ESRRG: variants seen among roughly 807,000 people sequenced by gnomAD.
ESRRG encodes estrogen-related receptor gamma.
Under a neutral mutation model 44.0 loss-of-function variants are expected in ESRRG, and 13 were observed. The observed-to-expected ratio is 0.30, with a 90% confidence interval of 0.19 to 0.47. The LOEUF (loss-of-function observed/expected upper bound fraction) is 0.47. ESRRG is among the 20% of genes least tolerant of loss of function. ESRRG has a pLI of 1.00. For synonymous variants in ESRRG, 215 were observed against 214.6 expected, an observed-to-expected ratio of 1.00 and a Z score of -0.02; for missense variants, 395 against 580.6, an observed-to-expected ratio of 0.68 and a Z score of 3.29.
At chr1:216,584,699 T>G (rs1443735886) in intron 3 of ESRRG, among the ~76,000 whole-genome samples, 3 of 152,216 alleles carry the variant, frequency 2.0e-5, no homozygotes, top group Non-Finnish European at 4.4e-5. Context: ...CTTTATAACT[T>G]TTCATATTAC....
chr1:216,698,975 T>C (rs2080847927), intron 1 of ESRRG, among the ~76,000 whole-genome samples: 1 of 152,198 alleles, frequency 6.6e-6, no homozygotes, highest in African/African-American at 2.4e-5. Context: ...TGACTGATGT[T>C]GTGAACTTTA....
chr1:217,031,836 G>A (rs535601998), intron 1 of ESRRG, among the ~76,000 whole-genome samples: 1 of 152,200 alleles, frequency 6.6e-6, no homozygotes, highest in Non-Finnish European at 1.5e-5. Context: ...GAAGAAGGAT[G>A]TGTTTGTTTC....
At chr1:216,781,509 G>A (rs2093934020) in intron 2 of ESRRG, among the ~76,000 whole-genome samples, 2 of 152,054 alleles carry the variant, frequency 1.3e-5, no homozygotes, top group African/African-American at 4.8e-5. Context: ...CAACAAGTCA[G>A]TCAACATTTA....
intron 1 of ESRRG, among the ~76,000 whole-genome samples, chr1:217,130,328 GCT>G (rs2092947444): frequency 6.6e-6 from 1 of 152,152 alleles, no homozygotes; most frequent in African/African-American, 2.4e-5. Context: ...GAACTCTGGA[GCT>G]CAAGCTATCT....
intron 1 of ESRRG, among the ~76,000 whole-genome samples, chr1:216,720,478 G>A (rs745399133): frequency 3.9e-5 from 6 of 152,036 alleles, no homozygotes; most frequent in Non-Finnish European, 7.4e-5. Flanking sequence ...TGTCTGTTCA[G>A]AGTTCTCAAA....
At chr1:216,551,976 T>C (rs6676984) in intron 5 of ESRRG, among the ~76,000 whole-genome samples, 87,549 of 151,866 alleles carry the variant, frequency 0.58, 26,785 homozygotes, top group African/African-American at 0.79. Context: ...TATATCTCTC[T>C]GCACAAAATA....
intron 5 of ESRRG, among the ~76,000 whole-genome samples, chr1:216,523,640 A>G (rs556276941): frequency 7.9e-5 from 12 of 152,182 alleles, no homozygotes; most frequent in African/African-American, 2.6e-4. Context: ...CAGAAAGCAT[A>G]AATGTTTATT....
At chr1:216,729,696 T>TCTGGTACAATTCAATTG (rs2088318941) in intron 2 of ESRRG, among the ~76,000 whole-genome samples, 1 of 152,164 alleles carries the variant, frequency 6.6e-6, no homozygotes, top group Non-Finnish European at 1.5e-5. Flanking sequence ...TGTACATTGT[T>TCTGGTACAATTCAATTG]TACCAGAAAG....
chr1:216,511,189 C>T (rs974289270), intron 6 of ESRRG, among the ~76,000 whole-genome samples: 11 of 152,054 alleles, frequency 7.2e-5, no homozygotes, highest in Non-Finnish European at 1.5e-4. Flanking sequence ...ATGGGACTCT[C>T]TCCAATCATT....
Position 216,840,823 on chromosome 1 carries a change from G to T in ESRRG, c.-14+98759C>A, listed in dbSNP as rs115106412. Among the ~76,000 whole-genome samples, 363 of 152,168 alleles carry T rather than the reference G, an allele frequency of 2.4e-3. 3 individuals carry two copies. The highest frequency in any genetic ancestry group is 8.0e-3 in the African/African-American group (331 of 41,528). On this transcript the variant is annotated intron_variant, in intron 2 of 7. Transcript: ENST00000359162. Reference sequence around the variant, plus strand: ...TATAACATTTACTGATTAAGTTCTTGGTCTTATATGGGTATGGTTTGTGGT... The same window carrying T: ...TATAACATTTACTGATTAAGTTCTTTGTCTTATATGGGTATGGTTTGTGGT...
intron 5 of ESRRG, among the ~76,000 whole-genome samples, chr1:216,555,904 G>C (rs113796323): frequency 6.6e-6 from 1 of 152,026 alleles, no homozygotes; most frequent in East Asian, 1.9e-4. Context: ...CAGATAAAGG[G>C]GGACGCAGGG....
chr1:216,605,200 A>T (rs2059764108), intron 3 of ESRRG, among the ~76,000 whole-genome samples: 1 of 152,204 alleles, frequency 6.6e-6, no homozygotes, highest in African/African-American at 2.4e-5. Context: ...TTATATGAAA[A>T]TAGTACTATG....
At chr1:216,644,617 G>A (rs2067149943) in intron 3 of ESRRG, among the ~76,000 whole-genome samples, 1 of 151,058 alleles carries the variant, frequency 6.6e-6, no homozygotes, top group South Asian at 2.1e-4. Flanking sequence ...TTATTTTTTG[G>A]TAGAAATGAG....
chr1:216,897,801 TA>T lies in ESRRG; in HGVS notation c.-14+41780del, dbSNP rs59079393. Among the ~76,000 whole-genome samples the T allele has an allele frequency of 4.9e-3, 724 of 147,296 alleles. 5 individuals are homozygous for T. Among genetic ancestry groups the T allele is most frequent in the African/African-American group, 0.016 (657 of 40,322 alleles). ...ACAATTTCTGAAGAACCCAGTCCTT[TA>T]AAAAAAAAAAGTGAGCTATCACCCC... On this transcript the variant is annotated intron_variant, in intron 2 of 7. Transcript: ENST00000359162.
At chr1:216,598,158 T>C (rs981794085) in intron 3 of ESRRG, among the ~76,000 whole-genome samples, 35 of 152,226 alleles carry the variant, frequency 2.3e-4, no homozygotes, top group African/African-American at 8.0e-4. Flanking sequence ...GACCAATAGT[T>C]CAATTTAATC....
chr1:216,877,062 A>G (rs2096366652), intron 2 of ESRRG, among the ~76,000 whole-genome samples: 1 of 151,902 alleles, frequency 6.6e-6, no homozygotes, highest in South Asian at 2.1e-4. Context: ...TTACCACAAA[A>G]CAATATTTGC....
chr1:217,136,388 C>A (rs537628069), intron 1 of ESRRG, among the ~76,000 whole-genome samples: 2 of 152,188 alleles, frequency 1.3e-5, no homozygotes, highest in African/African-American at 2.4e-5. Context: ...TTCCCAGAAG[C>A]GACAATAACC....
At chr1:216,559,290 G>A (rs1213312318) in intron 5 of ESRRG, among the ~76,000 whole-genome samples, 2 of 152,024 alleles carry the variant, frequency 1.3e-5, no homozygotes, top group Non-Finnish European at 2.9e-5. Context: ...AAAATCATTA[G>A]GTTACATACA....
intron 2 of ESRRG, among the ~76,000 whole-genome samples, chr1:216,930,129 C>G (rs1042652287): frequency 2.0e-5 from 3 of 152,114 alleles, no homozygotes; most frequent in Non-Finnish European, 4.4e-5. Flanking sequence ...TTTGAAGAAC[C>G]TTTCTCTGAC....
Sources: allele counts gnomAD v4.1 joint callset (sites outside exome capture counted in the v4.1 genomes callset), GRCh38; gene constraint gnomAD v4.1.1; transcripts MANE v1.5; gene names NCBI Gene and HGNC (gene_info 2026-07-23, HGNC 2026-07-21).